The following HMCN1 variants were observed in gnomAD, a reference collection of about 807,000 sequenced individuals.
HMCN1 encodes hemicentin 1.
HMCN1 carries 321 observed loss-of-function variants against 625.9 expected under a neutral mutation model. The ratio of observed to expected loss-of-function variants is 0.51; its 90% CI spans 0.47 to 0.56. HMCN1 has a LOEUF of 0.56. Among genes scored for constraint, HMCN1 ranks in the 20% least tolerant of loss-of-function variants. The pLI is 0.00. For missense variants in HMCN1, 6,588 were observed against 6,887.3 expected, an observed-to-expected ratio of 0.96 and a Z score of 1.54; for synonymous variants, 2,425 against 2,417.6, an observed-to-expected ratio of 1.00 and a Z score of -0.09.
chr1:185,897,425 T>C (rs973707891), intron 4 of HMCN1, among the ~76,000 whole-genome samples: 2 of 152,122 alleles, frequency 1.3e-5, no homozygotes, highest in African/African-American at 4.8e-5. Flanking sequence ...AGATCTGCCA[T>C]CCAGCACAGC....
At chr1:186,016,305 C>A in intron 32 of HMCN1, 66 bp downstream of exon 32, 1 of 1,457,154 alleles carries the variant, frequency 6.9e-7, no homozygotes, top group Non-Finnish European at 9.5e-7. Context: ...TTGTTAAATA[C>A]TTTTTTGTTC....
At chr1:185,792,988 G>A (rs1370423376) in intron 1 of HMCN1, among the ~76,000 whole-genome samples, 2 of 152,162 alleles carry the variant, frequency 1.3e-5, no homozygotes, top group African/African-American at 4.8e-5. Flanking sequence ...CTAGTGTATA[G>A]GAGGAGCCAG....
rs80045783 is a variant in HMCN1, at chr1:186,031,318, C to G, written c.5750-6616C>G. ...TTCTTGGTTAGTAGTCATTTTCTTT[C>G]AGCACTTTGAGTATGTCATCCTACT... On this transcript the variant is annotated intron_variant, in intron 36 of 106. Coordinates refer to ENST00000271588, the MANE Select transcript of HMCN1 (RefSeq NM_031935.3). Among the ~76,000 whole-genome samples the G allele has an allele frequency of 1.0e-3, 158 of 152,112 alleles. No individual in the cohort carries two copies. The East Asian group carries it at 0.023, about 22-fold the overall frequency.
At chr1:185,940,543 T>C (rs1668028711) in intron 11 of HMCN1, among the ~76,000 whole-genome samples, 1 of 152,236 alleles carries the variant, frequency 6.6e-6, no homozygotes, top group South Asian at 2.1e-4. Flanking sequence ...AGACCTTCTT[T>C]CTCTTTGGCT....
At position 186,021,940 on chromosome 1, in the gene HMCN1, G is replaced by A. The variant is rs571036089; in HGVS notation, c.5626-1090G>A. Among the ~76,000 whole-genome samples the A allele has an allele frequency of 2.0e-5, 3 of 152,178 alleles. No individual in the cohort carries two copies. The East Asian group carries it at 5.8e-4, about 29-fold the overall frequency. ...TGTGGAAATGGAAAACAGGGGATCT[G>A]AGAAACATATAGTGGCATAATTAAT... On this transcript the variant is annotated intron_variant, in intron 35 of 106. Coordinates refer to ENST00000271588, the MANE Select transcript of HMCN1 (RefSeq NM_031935.3).
chr1:185,826,475 GC>G (rs1309246253), intron 1 of HMCN1, among the ~76,000 whole-genome samples: 1 of 152,198 alleles, frequency 6.6e-6, no homozygotes, highest in East Asian at 1.9e-4. Context: ...CAGTGCAACA[GC>G]TGTGCAGCTA....
Position 186,003,789 on chromosome 1 carries a change from GA to G in HMCN1, c.4422del (p.Glu1474AspfsTer31), listed in dbSNP as rs1653353213. On this transcript the variant is annotated frameshift_variant, in exon 29 of 107. Transcript: ENST00000271588. LOFTEE classifies it high-confidence loss of function. ...TGTCCTCAACCGTGACGTCGCCCTT[GA>G]ATGCCAGGTCAAAGGCACTCCCTTT... The part of the protein sequence containing the change: ...SVVLNRDVAL[E>X]CQVKGTPFPD... The G allele has an allele frequency of 6.2e-7, 1 of 1,613,150 alleles. No homozygotes were observed. The highest frequency in any genetic ancestry group is 1.3e-5 in the African/African-American group (1 of 74,844).
chr1:186,060,961 T>G (rs1367428536), intron 46 of HMCN1, among the ~76,000 whole-genome samples: 1 of 152,126 alleles, frequency 6.6e-6, no homozygotes, highest in South Asian at 2.1e-4. Context: ...TAGTCTTTAG[T>G]GAGTGCAATA....
rs548990866 is a variant in HMCN1 at position 185,759,166 on chromosome 1, A to G, written c.268+24119A>G. On this transcript the variant is annotated intron_variant, in intron 1 of 106. Coordinates refer to ENST00000271588, the MANE Select transcript of HMCN1 (RefSeq NM_031935.3). ...TGCTGTCTGTGATTATAAACACTTG[A>G]GAATGTTGTCCTTCTCCTATTTCCT... Among the ~76,000 whole-genome samples, 3 of 152,296 alleles carry G rather than the reference A, an allele frequency of 2.0e-5. No individual in the cohort carries two copies. The East Asian group carries it at 5.8e-4, about 29-fold the overall frequency.
chr1:185,995,896 AG>A (rs1356239596), intron 24 of HMCN1, among the ~76,000 whole-genome samples: 7 of 152,150 alleles, frequency 4.6e-5, no homozygotes, highest in African/African-American at 9.6e-5. Context: ...TATGGTATTT[AG>A]CACAGTATTA....
intron 97 of HMCN1, among the ~76,000 whole-genome samples, chr1:186,157,995 AG>A (rs1651147593): frequency 6.6e-6 from 1 of 151,648 alleles, no homozygotes; most frequent in Non-Finnish European, 1.5e-5. Flanking sequence ...TTCTAGTTCT[AG>A]ATCCCTGAGG....
chr1:186,141,246 T>C (rs797000886), intron 89 of HMCN1, among the ~76,000 whole-genome samples: 55 of 152,242 alleles, frequency 3.6e-4, no homozygotes, highest in African/African-American at 1.2e-3. Context: ...AGATGAAGCT[T>C]TGCTCGCTTG....
intron 29 of HMCN1, among the ~76,000 whole-genome samples, chr1:186,005,423 CAA>C: frequency 6.9e-6 from 1 of 144,962 alleles, no homozygotes. Flanking sequence ...TGTTTATAAA[CAA>C]GTTTTTAATT....
At chr1:185,899,916 T>G (rs899808546) in intron 4 of HMCN1, among the ~76,000 whole-genome samples, 1 of 152,076 alleles carries the variant, frequency 6.6e-6, no homozygotes, top group Admixed American at 6.6e-5. Flanking sequence ...TACATCTGTC[T>G]CATTCTTGAG....
chr1:186,003,599 T>G, intron 28 of HMCN1, 119 bp from the exon 29 acceptor site: 1 of 931,386 alleles, frequency 1.1e-6, no homozygotes, highest in Non-Finnish European at 1.8e-6. Flanking sequence ...TGTGTGGTAT[T>G]TTATTTTTGA....
intron 15 of HMCN1, among the ~76,000 whole-genome samples, chr1:185,973,551 T>C (rs1650978372): frequency 6.6e-6 from 1 of 151,988 alleles, no homozygotes; most frequent in African/African-American, 2.4e-5. Flanking sequence ...GCTTTCAGAT[T>C]GTTTTTGTGG....
At position 186,174,521 on chromosome 1, in the gene HMCN1, T is replaced by C. The variant is rs57832192; in HGVS notation, c.15822T>C (p.Asp5274=). ...TTGCCTCCATGTCTGTAGATATTGA[T>C]GAATGTAAAGATGGGACCCATCAGT... is the stretch of plus-strand genomic sequence containing the variant. ...KAENGTCIDI[D]ECKDGTHQCR... Residue 5274 remains aspartate (D), a synonymous_variant, in exon 103 of 107, where the codon GAT becomes GAC. Transcript: ENST00000271588. 1.8e-3 allele frequency: 2,977 copies of C among 1,613,828 alleles called. 56 individuals carry two copies. In the African/African-American group the frequency reaches 0.034, roughly 18 times the overall value.
intron 97 of HMCN1, among the ~76,000 whole-genome samples, chr1:186,161,312 G>A (rs1024486532): frequency 6.6e-6 from 1 of 151,888 alleles, no homozygotes; most frequent in Non-Finnish European, 1.5e-5. Flanking sequence ...GCCTATGTGT[G>A]TCTCTGCATG....
chr1:186,089,107 A>C (rs1659696146), intron 63 of HMCN1, among the ~76,000 whole-genome samples: 1 of 151,972 alleles, frequency 6.6e-6, no homozygotes, highest in Non-Finnish European at 1.5e-5. Flanking sequence ...ACTTGTATAG[A>C]TAAGATTTAA....
Sources: gnomAD v4.1 joint callset for allele counts (sites outside exome capture counted in the v4.1 genomes callset) on GRCh38, gnomAD v4.1.1 for gene constraint, MANE v1.5 for transcripts, NCBI Gene and HGNC (gene_info 2026-07-23, HGNC 2026-07-21) for gene names.